Variants in TM9SF4 observed in about 807,000 individuals in gnomAD.
TM9SF4 encodes transmembrane 9 superfamily member 4, also known as dinucleotide oxidase disulfide thiol exchanger 3 superfamily member 4.
In TM9SF4, 26 loss-of-function variants were observed where a neutral mutation model predicts 90.4. The ratio of observed to expected loss-of-function variants is 0.29; its 90% CI spans 0.21 to 0.40. The LOEUF is 0.40. TM9SF4 is among the 10% of genes least tolerant of loss of function. TM9SF4 has a pLI of 1.00. For synonymous variants in TM9SF4, 293 were observed against 315.4 expected (o/e 0.93, Z 0.75); for missense variants, 549 against 834.8 (o/e 0.66, Z 4.22).
At chr20:32,120,887 T>C (rs1427435356) in intron 1 of TM9SF4, among the ~76,000 whole-genome samples, 1 of 152,230 alleles carries the variant, frequency 6.6e-6, no homozygotes, top group African/African-American at 2.4e-5. Flanking sequence ...ACATCTATTA[T>C]GATGATCATA....
chr20:32,144,871 C>A (rs2046738369), intron 6 of TM9SF4, among the ~76,000 whole-genome samples: 1 of 152,092 alleles, frequency 6.6e-6, no homozygotes, highest in African/African-American at 2.4e-5. Context: ...TATGATTGTG[C>A]CATTGTCTGC....
chr20:32,116,140 G>C (rs184659330), intron 1 of TM9SF4: 10 of 152,246 alleles, frequency 6.6e-5, no homozygotes, highest in Admixed American at 5.2e-4. Context: ...GCATTTTTAA[G>C]TGTGCAGTTC....
In TM9SF4 at chr20:32,158,526, T is replaced by G. The variant is rs762836482; in HGVS notation, c.1569+12T>G. On this transcript the variant is annotated intron_variant, in intron 15 of 17. Coordinates refer to ENST00000398022, the MANE Select transcript of TM9SF4 (RefSeq NM_014742.4). ...TCTTCATCTTCAGTGTGAGTACTGG[T>G]GCCTCCCCCACCCCTCCACCCATGC... is the stretch of plus-strand genomic sequence containing the variant. 20 of 1,613,792 alleles carry G rather than the reference T, an allele frequency of 1.2e-5. No homozygotes were observed. Among genetic ancestry groups the G allele is most frequent in the Non-Finnish European group, 1.7e-6 (2 of 1,179,950 alleles).
intron 3 of TM9SF4, among the ~76,000 whole-genome samples, chr20:32,139,504 T>C (rs563631254): frequency 6.6e-6 from 1 of 152,306 alleles, no homozygotes; most frequent in African/African-American, 2.4e-5. Context: ...CCAGCACCTG[T>C]TCCAGTCACC....
chr20:32,135,281 A>G lies in TM9SF4; in HGVS notation c.130-793A>G, dbSNP rs369390332. 1.6e-4 allele frequency among the ~76,000 whole-genome samples: 24 copies of G among 152,254 alleles called. No homozygotes were observed. In the East Asian group the frequency reaches 4.2e-3, roughly 27 times the overall value. On this transcript the variant is annotated intron_variant, in intron 2 of 17. Transcript: ENST00000398022. The stretch of plus-strand genomic sequence containing the variant: ...AGTTTATTGATAAATTTCCCATTGC[A>G]GGAGCTTTGAGTTGAAGTTATTTTT...
chr20:32,146,599 C>T (rs1448718113), intron 8 of TM9SF4, among the ~76,000 whole-genome samples, 186 bp from the exon 9 acceptor site: 1 of 152,098 alleles, frequency 6.6e-6, no homozygotes, highest in Non-Finnish European at 1.5e-5. Flanking sequence ...CTGTGCTCTC[C>T]TCCCCTGGTA....
At chr20:32,115,538 T>C (rs888170147) in intron 1 of TM9SF4, among the ~76,000 whole-genome samples, 64 of 152,212 alleles carry the variant, frequency 4.2e-4, no homozygotes, top group African/African-American at 1.5e-3. Context: ...TTCCATCTCA[T>C]TCCTTTTCAT....
intron 7 of TM9SF4, 39 bp from the exon 8 acceptor site, chr20:32,145,273 C>G (rs2046747298): frequency 1.2e-6 from 2 of 1,611,536 alleles, no homozygotes; most frequent in South Asian, 1.1e-5. Flanking sequence ...GGTTCTCCAG[C>G]AGGATGCCTG....
At position 32,149,681 on chromosome 20, in the gene TM9SF4, C is replaced by G; in HGVS notation, c.1002C>G (p.Val334=). Residue 334 remains valine, a synonymous_variant, in exon 10 of 18, where the codon GTC becomes GTG. Coordinates refer to ENST00000398022, the MANE Select transcript of TM9SF4 (RefSeq NM_014742.4). The part of the protein sequence containing the change: ...ESGWKLVHGD[V]FRPPQYPMIL... ...GGTGGAAGTTGGTGCACGGCGACGT[C>G]TTCAGGCCCCCCCAGTACCCCATGA... is the stretch of plus-strand genomic sequence containing the variant. 1 of 1,614,222 alleles carries G rather than the reference C, an allele frequency of 6.2e-7. No homozygotes were observed. The highest frequency in any genetic ancestry group is 8.5e-7 in the Non-Finnish European group (1 of 1,180,044).
intron 15 of TM9SF4, 115 bp from the exon 16 acceptor site, chr20:32,159,877 G>A (rs1045930115): frequency 2.4e-5 from 34 of 1,443,618 alleles, no homozygotes; most frequent in Non-Finnish European, 3.3e-5. Context: ...CCAGGCCCAC[G>A]GGCCCTGATG....
At chr20:32,121,973 CG>C (rs1222909677) in intron 1 of TM9SF4, among the ~76,000 whole-genome samples, 4 of 141,928 alleles carry the variant, frequency 2.8e-5, no homozygotes, top group East Asian at 4.6e-4. Context: ...GCTGGCAGGG[CG>C]GGGGGCTGAC....
chr20:32,150,549 G>T, intron 10 of TM9SF4, 73 bp from the exon 11 acceptor site: 1 of 1,587,064 alleles, frequency 6.3e-7, no homozygotes, highest in Non-Finnish European at 8.6e-7. Flanking sequence ...GCCTGGGGCT[G>T]GGGCTGGGGC....
chr20:32,141,926 G>C, intron 5 of TM9SF4, 31 bp downstream of exon 5: 1 of 1,612,956 alleles, frequency 6.2e-7, no homozygotes, highest in Non-Finnish European at 8.5e-7. Flanking sequence ...TCACAGGACC[G>C]GGAGCCACAC....
chr20:32,152,691 C>G (rs888847476), intron 12 of TM9SF4, among the ~76,000 whole-genome samples: 1 of 152,320 alleles, frequency 6.6e-6, no homozygotes, highest in African/African-American at 2.4e-5. Flanking sequence ...CCTGTGCCAT[C>G]CCCTCTGCCT....
intron 15 of TM9SF4, 151 bp from the exon 16 acceptor site, chr20:32,159,841 T>G: frequency 9.1e-7 from 1 of 1,102,460 alleles, no homozygotes; most frequent in Non-Finnish European, 1.3e-6. Context: ...CCCCCTGCTC[T>G]GGGGAAGAGG....
intron 3 of TM9SF4, among the ~76,000 whole-genome samples, chr20:32,139,026 A>G (rs2281360): frequency 0.42 from 63,983 of 151,686 alleles, 13,797 homozygotes; most frequent in East Asian, 0.74. Flanking sequence ...GGTTTTGCAG[A>G]CTCACCTGCA....
intron 1 of TM9SF4, among the ~76,000 whole-genome samples, chr20:32,110,446 G>A (rs1050194821): frequency 1.3e-5 from 2 of 152,108 alleles, no homozygotes; most frequent in Non-Finnish European, 1.5e-5. Context: ...TAAGAATCTC[G>A]AGGTGTGTAG....
At chr20:32,114,477 C>A (rs532808910) in intron 1 of TM9SF4, among the ~76,000 whole-genome samples, 28 of 152,236 alleles carry the variant, frequency 1.8e-4, no homozygotes, top group Non-Finnish European at 3.8e-4. Flanking sequence ...ACTACAGGCA[C>A]GCACCACATC....
At chr20:32,153,678 A>G (rs1032321203) in intron 12 of TM9SF4, among the ~76,000 whole-genome samples, 1 of 152,176 alleles carries the variant, frequency 6.6e-6, no homozygotes, top group African/African-American at 2.4e-5. Context: ...CAGGAGTTTG[A>G]GGCTGCGGTG....
Sources: allele counts gnomAD v4.1 joint callset (sites outside exome capture counted in the v4.1 genomes callset), GRCh38; gene constraint gnomAD v4.1.1; transcripts MANE v1.5; gene names NCBI Gene and HGNC (gene_info 2026-07-23, HGNC 2026-07-21).